Variants in FNBP1L observed in about 807,000 individuals in gnomAD.
FNBP1L encodes formin binding protein 1 like.
FNBP1L carries 36 observed loss-of-function variants against 91.2 expected under a neutral mutation model. The ratio of observed to expected loss-of-function variants is 0.39; its 90% CI spans 0.30 to 0.52. FNBP1L has a LOEUF of 0.52. Ranked by LOEUF, FNBP1L falls within the 20% of genes least tolerant of loss-of-function variation. The probability of loss-of-function intolerance (pLI) is 0.66; values close to 1 mark genes in which losing one functional copy is unlikely to be tolerated. For missense variants in FNBP1L, 571 were observed against 732.1 expected (o/e 0.78, Z 2.54); for synonymous variants, 242 against 237.0 (o/e 1.02, Z -0.19).
Position 93,520,125 on chromosome 1 carries a change from T to C in FNBP1L, c.141-1957T>C, listed in dbSNP as rs557390158. The stretch of plus-strand genomic sequence containing the variant: ...GCACTTACCATGCAGTATATTACAA[T>C]TATTGGTATATACTTGTCTCCTTTC... On this transcript the variant is annotated intron_variant, in intron 2 of 16. Coordinates refer to ENST00000271234, the MANE Select transcript of FNBP1L (RefSeq NM_001164473.3). 2.6e-5 allele frequency among the ~76,000 whole-genome samples: 4 copies of C among 152,306 alleles called. No individual in the cohort carries two copies. The South Asian group carries it at 8.3e-4, about 32-fold the overall frequency.
intron 1 of FNBP1L, among the ~76,000 whole-genome samples, chr1:93,477,284 G>A (rs752951923): frequency 6.6e-6 from 1 of 152,134 alleles, no homozygotes; most frequent in Non-Finnish European, 1.5e-5. Flanking sequence ...TATCCTGTGT[G>A]AATAAATGAA....
intron 11 of FNBP1L, among the ~76,000 whole-genome samples, chr1:93,542,443 G>GAAAAAAAAAA (rs61650755): frequency 4.8e-5 from 4 of 82,552 alleles, no homozygotes; most frequent in African/African-American, 9.2e-5. Flanking sequence ...ATTGGTAAAT[G>GAAAAAAAAAA]AAAAAAAAAA....
At chr1:93,515,208 C>T (rs561981208) in intron 2 of FNBP1L, among the ~76,000 whole-genome samples, 1 of 152,270 alleles carries the variant, frequency 6.6e-6, no homozygotes, top group South Asian at 2.1e-4. Flanking sequence ...ATCAAAACCA[C>T]AATGACATAC....
chr1:93,518,132 T>C (rs906898004), intron 2 of FNBP1L, among the ~76,000 whole-genome samples: 7 of 152,238 alleles, frequency 4.6e-5, no homozygotes, highest in Non-Finnish European at 8.8e-5. Flanking sequence ...CAGAAGTTTC[T>C]TTAGAGTTCT....
intron 1 of FNBP1L, among the ~76,000 whole-genome samples, chr1:93,453,191 T>A (rs942992946): frequency 1.3e-5 from 2 of 152,236 alleles, no homozygotes; most frequent in African/African-American, 4.8e-5. Flanking sequence ...TATCTTACAT[T>A]CCCTTTTGTT....
intron 2 of FNBP1L, among the ~76,000 whole-genome samples, chr1:93,511,518 A>C (rs954881039): frequency 1.7e-4 from 26 of 152,262 alleles, no homozygotes; most frequent in South Asian, 1.0e-3. Context: ...AATGTAAAGA[A>C]CATCAAGACT....
chr1:93,514,719 A>T (rs905502743), intron 2 of FNBP1L, among the ~76,000 whole-genome samples: 2 of 151,802 alleles, frequency 1.3e-5, no homozygotes, highest in Non-Finnish European at 3.0e-5. Flanking sequence ...AGCCATATGT[A>T]GAAAGCTGAA....
At position 93,536,482 on chromosome 1, in the gene FNBP1L, A is replaced by T; in HGVS notation, c.1141A>T (p.Lys381Ter). 6.5e-7 allele frequency: 1 copy of T among 1,548,538 alleles called. No individual in the cohort carries two copies. Among genetic ancestry groups the T allele is most frequent in the South Asian group, 1.2e-5 (1 of 83,712 alleles). ...KPRIPSFRSL[K>*]RGWSVKMGPA... ...CAGAATTCCTTCTTTCAGAAGCCTC[A>T]AAAGAGGGGTAAGTTTAATAATGGG... Residue 381 changes from lysine (K) to a stop codon, truncating the protein, a stop_gained, in exon 10 of 17, where the codon AAA becomes TAA. Coordinates refer to ENST00000271234, the MANE Select transcript of FNBP1L (RefSeq NM_001164473.3). LOFTEE classifies it high-confidence loss of function.
intron 2 of FNBP1L, among the ~76,000 whole-genome samples, chr1:93,502,879 A>T (rs149179444): frequency 6.6e-6 from 1 of 152,262 alleles, no homozygotes; most frequent in East Asian, 1.9e-4. Flanking sequence ...CTACATTGAG[A>T]TTTGCTGCTT....
At chr1:93,513,783 G>T (rs186671056) in intron 2 of FNBP1L, among the ~76,000 whole-genome samples, 4,234 of 152,150 alleles carry the variant, frequency 0.028, 184 homozygotes, top group African/African-American at 0.094. Context: ...AATAATAAGA[G>T]CTATCTACAA....
chr1:93,477,687 A>G lies in FNBP1L; in HGVS notation c.25-21781A>G, dbSNP rs183705067. On this transcript the variant is annotated intron_variant, in intron 1 of 16. Transcript: ENST00000271234. Reference sequence around the variant, plus strand: ...TTAAAAGGAAGAGATTATTCACTCTAAAATTGAAAATCATAACCTTCCTGA... The same window carrying G: ...TTAAAAGGAAGAGATTATTCACTCTGAAATTGAAAATCATAACCTTCCTGA... 1.0e-3 allele frequency among the ~76,000 whole-genome samples: 152 copies of G among 152,374 alleles called. 1 individual carries two copies. Among genetic ancestry groups the G allele is most frequent in the African/African-American group, 3.4e-3 (143 of 41,592 alleles).
chr1:93,533,231 C>A (rs1056799658), intron 8 of FNBP1L, among the ~76,000 whole-genome samples, 163 bp downstream of exon 8: 1 of 151,160 alleles, frequency 6.6e-6, no homozygotes, highest in Non-Finnish European at 1.5e-5. Flanking sequence ...TTCTGAGATT[C>A]ATTCTACATG....
chr1:93,549,714 T>C (rs765584088), intron 15 of FNBP1L, among the ~76,000 whole-genome samples: 77 of 152,242 alleles, frequency 5.1e-4, no homozygotes, highest in Non-Finnish European at 6.2e-4. Flanking sequence ...GTCCTTACTG[T>C]GCACATGTCC....
chr1:93,533,831 C>T (rs1463938691), intron 8 of FNBP1L, among the ~76,000 whole-genome samples: 1 of 152,120 alleles, frequency 6.6e-6, no homozygotes. Context: ...ATCATTACAG[C>T]CCTCTTCTCT....
intron 9 of FNBP1L, among the ~76,000 whole-genome samples, chr1:93,535,940 G>A (rs1473394598): frequency 1.3e-5 from 2 of 151,950 alleles, no homozygotes; most frequent in African/African-American, 2.4e-5. Flanking sequence ...AATATTTTAT[G>A]TGCGACATTA....
rs186997280 is a variant in FNBP1L, at chr1:93,455,993, C to T, written c.24+7688C>T. Among the ~76,000 whole-genome samples the T allele has an allele frequency of 2.0e-5, 3 of 152,284 alleles. No individual in the cohort carries two copies. In the East Asian group the frequency reaches 5.8e-4, roughly 29 times the overall value. On this transcript the variant is annotated intron_variant, in intron 1 of 16. Coordinates refer to ENST00000271234, the MANE Select transcript of FNBP1L (RefSeq NM_001164473.3). ...CATTGTGAGATGTTATCTACCTGGG[C>T]ATGGGGGTACACCCCTCTAGTCTCA...
At chr1:93,521,427 A>G (rs1451580374) in intron 2 of FNBP1L, among the ~76,000 whole-genome samples, 1 of 152,106 alleles carries the variant, frequency 6.6e-6, no homozygotes, top group Non-Finnish European at 1.5e-5. Context: ...TTTCTTTGAA[A>G]TGTTTCTTTT....
chr1:93,544,226 C>CT lies in FNBP1L; in HGVS notation c.1274+13dup. The CT allele has an allele frequency of 6.3e-7, 1 of 1,577,264 alleles. No homozygotes were observed. Among genetic ancestry groups the CT allele is most frequent in the Non-Finnish European group, 8.7e-7 (1 of 1,151,860 alleles). On this transcript the variant is annotated intron_variant, in intron 12 of 16. Transcript: ENST00000271234. ...AAGAATCAGACCAAAAGTATTATTC[C>CT]TTTAAGTTTTCTCTATCATTATTAT...
At chr1:93,525,652 A>G (rs1445334819) in intron 5 of FNBP1L, among the ~76,000 whole-genome samples, 1 of 152,160 alleles carries the variant, frequency 6.6e-6, no homozygotes, top group Admixed American at 6.6e-5. Context: ...ATAGGTGCCA[A>G]CTTGCCTTTA....
Sources: gnomAD v4.1 joint callset for allele counts (sites outside exome capture counted in the v4.1 genomes callset) on GRCh38, gnomAD v4.1.1 for gene constraint, MANE v1.5 for transcripts, NCBI Gene and HGNC (gene_info 2026-07-23, HGNC 2026-07-21) for gene names.